ATOSA: variants seen among roughly 807,000 people sequenced by gnomAD.
ATOSA encodes atos homolog A.
the ATOSA span, among the ~76,000 whole-genome samples, chr15:52,693,590 C>G: frequency 6.6e-6 from 1 of 152,000 alleles, no homozygotes; most frequent in African/African-American, 2.4e-5. Flanking sequence ...CATACTATCA[C>G]TTAGAAATAA....
chr15:52,706,863 A>G, the ATOSA span, among the ~76,000 whole-genome samples: 1 of 152,112 alleles, frequency 6.6e-6, no homozygotes, highest in Non-Finnish European at 1.5e-5. Flanking sequence ...CTGTAGAGAG[A>G]GAAAGTAGAC....
At chr15:52,614,646 G>C in the ATOSA span, among the ~76,000 whole-genome samples, 1 of 151,738 alleles carries the variant, frequency 6.6e-6, no homozygotes, top group African/African-American at 2.4e-5. Flanking sequence ...TCGGGAATTT[G>C]AGACAAGCCT....
At chr15:52,606,368 A>G in the ATOSA span, among the ~76,000 whole-genome samples, 1 of 152,188 alleles carries the variant, frequency 6.6e-6, no homozygotes, top group African/African-American at 2.4e-5. Flanking sequence ...TTACATGAAT[A>G]AAAATTATAA....
chr15:52,705,221 T>C, the ATOSA span, among the ~76,000 whole-genome samples: 1 of 152,138 alleles, frequency 6.6e-6, no homozygotes, highest in African/African-American at 2.4e-5. Flanking sequence ...TGGATGAAGC[T>C]GGAAACCATC....
At chr15:52,631,102 G>A in the ATOSA span, among the ~76,000 whole-genome samples, 1 of 152,174 alleles carries the variant, frequency 6.6e-6, no homozygotes, top group Non-Finnish European at 1.5e-5. Context: ...TCATTTTGCT[G>A]TTCTCTAAAC....
the ATOSA span, among the ~76,000 whole-genome samples, chr15:52,684,583 C>T: frequency 1.8e-4 from 27 of 152,258 alleles, no homozygotes; most frequent in Non-Finnish European, 3.1e-4. Flanking sequence ...ATTTTTAAAA[C>T]TAAGTATGTT....
the ATOSA span, among the ~76,000 whole-genome samples, chr15:52,691,060 G>C: frequency 3.3e-5 from 5 of 152,092 alleles, no homozygotes; most frequent in Non-Finnish European, 7.4e-5. Context: ...GATGGCCCAG[G>C]GGGAGTGGAG....
the ATOSA span, among the ~76,000 whole-genome samples, chr15:52,679,983 C>T: frequency 6.6e-6 from 1 of 151,286 alleles, no homozygotes; most frequent in Non-Finnish European, 1.5e-5. Flanking sequence ...AAGCCCACCC[C>T]CACCCTAGAT....
At chr15:52,692,528 A>G in the ATOSA span, among the ~76,000 whole-genome samples, 2 of 152,158 alleles carry the variant, frequency 1.3e-5, no homozygotes, top group Admixed American at 1.3e-4. Flanking sequence ...AGCTAATTGT[A>G]TTTTTTGTAG....
the ATOSA span, chr15:52,610,361 G>A: frequency 6.2e-7 from 1 of 1,609,904 alleles, no homozygotes; most frequent in South Asian, 1.1e-5. Context: ...TTCCACTGTA[G>A]GTCTACATCA....
At chr15:52,620,210 T>C in the ATOSA span, among the ~76,000 whole-genome samples, 4 of 152,362 alleles carry the variant, frequency 2.6e-5, no homozygotes, top group Middle Eastern at 3.4e-3. Flanking sequence ...AAATTCTTCA[T>C]TGCTAGAGGT....
At chr15:52,608,069 T>C in the ATOSA span, among the ~76,000 whole-genome samples, 2 of 152,094 alleles carry the variant, frequency 1.3e-5, no homozygotes, top group East Asian at 1.9e-4. Context: ...TTATTTTTTT[T>C]TGTAGAGACA....
chr15:52,585,741 G>A, the ATOSA span, among the ~76,000 whole-genome samples: 9 of 152,062 alleles, frequency 5.9e-5, no homozygotes, highest in Non-Finnish European at 8.8e-5. Flanking sequence ...TAAAGTACTC[G>A]TTTTGAAACA....
At chr15:52,707,863 T>C in the ATOSA span, among the ~76,000 whole-genome samples, 1 of 152,124 alleles carries the variant, frequency 6.6e-6, no homozygotes. Flanking sequence ...GAATGAGAAA[T>C]GCTCAAAGAT....
At chr15:52,699,723 G>C in the ATOSA span, among the ~76,000 whole-genome samples, 6 of 151,968 alleles carry the variant, frequency 3.9e-5, no homozygotes. Context: ...TCTCCCCAGC[G>C]GGCATCCTGT....
At chr15:52,636,852 A>G in the ATOSA span, among the ~76,000 whole-genome samples, 1 of 152,164 alleles carries the variant, frequency 6.6e-6, no homozygotes, top group South Asian at 2.1e-4. Context: ...CTCAGTTAAT[A>G]AAGAGGGAGT....
the ATOSA span, among the ~76,000 whole-genome samples, chr15:52,682,328 G>T: frequency 1.3e-5 from 2 of 152,074 alleles, no homozygotes; most frequent in African/African-American, 4.8e-5. Flanking sequence ...CCCCATCTGT[G>T]AATGTGAACT....
At chr15:52,608,553 T>A in the ATOSA span, 1 of 1,538,658 alleles carries the variant, frequency 6.5e-7, no homozygotes, top group African/African-American at 1.4e-5. Flanking sequence ...ATTTGACATA[T>A]TAGATGTTAC....
At chr15:52,624,764 A>G in the ATOSA span, among the ~76,000 whole-genome samples, 1 of 150,110 alleles carries the variant, frequency 6.7e-6, no homozygotes, top group African/African-American at 2.4e-5. Flanking sequence ...TCTCAAAGGA[A>G]TATGTGTACC....
Sources: gnomAD v4.1 joint callset for allele counts (sites outside exome capture counted in the v4.1 genomes callset) on GRCh38, gnomAD v4.1.1 for gene constraint, MANE v1.5 for transcripts, NCBI Gene and HGNC (gene_info 2026-07-23, HGNC 2026-07-21) for gene names.